TXNDC9: variants seen among roughly 807,000 people sequenced by gnomAD.
TXNDC9 encodes the protein thioredoxin domain-containing protein 9.
TXNDC9 carries 7 observed loss-of-function variants against 23.0 expected under a neutral mutation model. The ratio of observed to expected loss-of-function variants is 0.30; its 90% confidence interval spans 0.17 to 0.57. The LOEUF (loss-of-function observed/expected upper bound fraction) is 0.57, where lower values mean the gene tolerates loss of function less well. Among genes scored for constraint, TXNDC9 ranks in the 20% least tolerant of loss-of-function variants. The pLI is 0.90. For synonymous variants in TXNDC9, 72 were observed against 90.6 expected (o/e 0.79, Z 1.17); for missense variants, 198 against 252.6 (o/e 0.78, Z 1.47).
At chr2:99,312,243 C>T in the TXNDC9 span, among the ~76,000 whole-genome samples, 1 of 152,182 alleles carries the variant, frequency 6.6e-6, no homozygotes, top group African/African-American at 2.4e-5. Flanking sequence ...AAATATTTCA[C>T]TTGGCACTTT....
downstream of TXNDC9, among the ~76,000 whole-genome samples, chr2:99,316,843 GC>G (rs1221603828): frequency 2.0e-5 from 3 of 152,054 alleles, no homozygotes; most frequent in Non-Finnish European, 2.9e-5. Flanking sequence ...TGCAAGCTCC[GC>G]CTCCCGGGTT....
intron 3 of TXNDC9, among the ~76,000 whole-genome samples, chr2:99,326,639 G>A (rs1258121302): frequency 6.6e-6 from 1 of 152,232 alleles, no homozygotes; most frequent in East Asian, 1.9e-4. Flanking sequence ...CCTCTTCTGA[G>A]GAGGTATTAA....
rs1371930140 is a variant in TXNDC9 at position 99,319,093 on chromosome 2, C to T, written c.*589G>A. 2 of 152,120 alleles carry T rather than the reference C, an allele frequency of 1.3e-5. No individual in the cohort carries two copies. The highest frequency in any genetic ancestry group is 6.5e-5 in the Admixed American group (1 of 15,276). 9.4% of individuals were successfully genotyped at this position (152,120 alleles called of 1,614,324 possible). A position where few individuals can be genotyped will look rare whatever the true frequency, so the allele number is the denominator to read the frequency against. On this transcript the variant is annotated 3_prime_UTR_variant, in exon 5 of 5. Transcript: ENST00000264255. ...TATGCTGTTATTTCAAAAGTGTTTC[C>T]TGGTTTCTTTTTAATGAATGTCTTA...
At chr2:99,324,382 T>TC in intron 3 of TXNDC9, among the ~76,000 whole-genome samples, 1 of 152,308 alleles carries the variant, frequency 6.6e-6, no homozygotes, top group East Asian at 1.9e-4. Context: ...CATCACTTTT[T>TC]CCCCGGATAT....
At position 99,327,648 on chromosome 2, in the gene TXNDC9, C is replaced by G. The variant is rs768300795; in HGVS notation, c.195G>C (p.Trp65Cys). The G allele has an allele frequency of 6.2e-7, 1 of 1,609,538 alleles. No homozygotes were observed. Among genetic ancestry groups the G allele is most frequent in the East Asian group, 2.2e-5 (1 of 44,772 alleles). ...TGTATTCCCCATGTCCTTTAGAAAG[C>G]CATTCCTAATTTGGAGAGAGGCAAA... ...LRKAQQQKQE[W>C]LSKGHGEYRE... The change falls in exon 3 of 5, where the codon TGG becomes TGC. Residue 65 changes from tryptophan to cysteine, a missense_variant. Coordinates refer to ENST00000264255, the MANE Select transcript of TXNDC9 (RefSeq NM_005783.4).
intron 1 of TXNDC9, among the ~76,000 whole-genome samples, chr2:99,334,122 G>A (rs1345412910): frequency 3.3e-5 from 5 of 152,184 alleles, no homozygotes; most frequent in Non-Finnish European, 1.5e-5. Context: ...AGGCCAAGGT[G>A]GGCAGATCAC....
intron 4 of TXNDC9, 136 bp from the exon 5 acceptor site, chr2:99,319,935 T>C (rs2094197561): frequency 3.3e-6 from 2 of 602,188 alleles, no homozygotes; most frequent in Admixed American, 6.5e-5. Flanking sequence ...GGAAGAGGTA[T>C]AATGCTTATA....
chr2:99,335,556 CAA>C (rs3838488), intron 1 of TXNDC9, among the ~76,000 whole-genome samples: 57,807 of 151,830 alleles, frequency 0.38, 11,764 homozygotes, highest in East Asian at 0.63. Flanking sequence ...TCAAACACAG[CAA>C]AGATTTCCAC....
At chr2:99,311,947 A>G in the TXNDC9 span, among the ~76,000 whole-genome samples, 1 of 134,666 alleles carries the variant, frequency 7.4e-6, no homozygotes. Context: ...ATCCTGTATA[A>G]TAAAAAAGGA....
chr2:99,318,470 G>A (rs988829504), downstream of TXNDC9, among the ~76,000 whole-genome samples: 6 of 152,132 alleles, frequency 3.9e-5, no homozygotes, highest in Non-Finnish European at 5.9e-5. Context: ...CACCGTGCCC[G>A]GCCCAGAGCT....
the TXNDC9 span, among the ~76,000 whole-genome samples, chr2:99,309,306 C>T: frequency 4.0e-5 from 6 of 151,112 alleles, no homozygotes; most frequent in African/African-American, 1.2e-4. Flanking sequence ...TCAGGCAGGT[C>T]GAGGGTGGAG....
chr2:99,306,465 T>C, the TXNDC9 span, among the ~76,000 whole-genome samples: 1 of 151,916 alleles, frequency 6.6e-6, no homozygotes, highest in Non-Finnish European at 1.5e-5. Context: ...ATGCAAAGAA[T>C]GGCGCTGTGT....
the TXNDC9 span, among the ~76,000 whole-genome samples, chr2:99,311,948 T>A: frequency 3.7e-5 from 5 of 134,552 alleles, no homozygotes; most frequent in African/African-American, 1.3e-4. Context: ...TCCTGTATAA[T>A]AAAAAAGGAA....
Position 99,327,596 on chromosome 2 carries a change from A to G in TXNDC9, c.247T>C (p.Phe83Leu). ...YREIPSERDF[F>L]QEVKESENVV... is the part of the protein sequence containing the mutation. ...TTTTCACTCTCCTTGACTTCTTGAA[A>G]AAAGTCTCTTTCACTAGGGATTTCT... The change falls in exon 3 of 5, where the codon TTT (phenylalanine) becomes CTT (leucine). Residue 83 changes from phenylalanine to leucine, a missense_variant. Physicochemically the swap from Phe to Leu is conservative, Grantham distance 22. Coordinates refer to ENST00000264255, the MANE Select transcript of TXNDC9 (RefSeq NM_005783.4). 6.2e-7 allele frequency: 1 copy of G among 1,613,898 alleles called. No homozygotes were observed. Among genetic ancestry groups the G allele is most frequent in the East Asian group, 2.2e-5 (1 of 44,836 alleles).
At chr2:99,315,221 C>G (rs570237490), downstream of TXNDC9, among the ~76,000 whole-genome samples, 2 of 151,816 alleles carry the variant, frequency 1.3e-5, no homozygotes, top group Admixed American at 1.3e-4. Flanking sequence ...TGCCACCATA[C>G]CCGGCTAATT....
chr2:99,314,083 T>C (rs1055646931), downstream of TXNDC9, among the ~76,000 whole-genome samples: 1 of 152,240 alleles, frequency 6.6e-6, no homozygotes, highest in Non-Finnish European at 1.5e-5. Context: ...AATGAAAACA[T>C]GGATTTTGCA....
At position 99,319,557 on chromosome 2, in the gene TXNDC9, C is replaced by T; in HGVS notation, c.*125G>A. ...AGTAAAGACACTTTTCGATGTGATA[C>T]AACTGTATAAAACTCGAGAATATGA... is the stretch of plus-strand genomic sequence containing the variant. On this transcript the variant is annotated 3_prime_UTR_variant, in exon 5 of 5. Transcript: ENST00000264255. 2.9e-6 allele frequency: 2 copies of T among 699,896 alleles called. No individual in the cohort carries two copies. Among genetic ancestry groups the T allele is most frequent in the Non-Finnish European group, 4.8e-6 (2 of 412,620 alleles). The allele number at this position is 699,896 out of a possible 1,614,324, so 43.4% of individuals were successfully genotyped here. A position where few individuals can be genotyped will look rare whatever the true frequency, so the allele number is the denominator to read the frequency against.
intron 1 of TXNDC9, among the ~76,000 whole-genome samples, chr2:99,334,347 C>G (rs951627655): frequency 2.6e-5 from 4 of 152,116 alleles, no homozygotes; most frequent in Non-Finnish European, 5.9e-5. Flanking sequence ...AGAGCCAGAC[C>G]CTGTCTCAAA....
intron 3 of TXNDC9, chr2:99,322,412 G>A: frequency 8.2e-7 from 1 of 1,225,658 alleles, no homozygotes. Context: ...CAGCCTATAA[G>A]ATTCTAGAAA....
Sources: allele counts gnomAD v4.1 joint callset (sites outside exome capture counted in the v4.1 genomes callset), GRCh38; gene constraint gnomAD v4.1.1; transcripts MANE v1.5; gene names NCBI Gene and HGNC (gene_info 2026-07-23, HGNC 2026-07-21).